NDUFAF6: variants seen among roughly 807,000 people sequenced by gnomAD.
The protein encoded by NDUFAF6 is NADH dehydrogenase (ubiquinone) complex I, assembly factor 6.
Under a neutral mutation model 40.8 loss-of-function variants are expected in NDUFAF6, and 45 were observed. The ratio of observed to expected loss-of-function variants is 1.10; its 90% CI spans 0.87 to 1.42. The LOEUF (loss-of-function observed/expected upper bound fraction) is 1.42. NDUFAF6 is among the 40% of genes most tolerant of loss of function. The pLI, the probability that NDUFAF6 is intolerant of heterozygous loss-of-function variation, is 0.00. For synonymous variants in NDUFAF6, 185 were observed against 155.9 expected, an observed-to-expected ratio of 1.19 and a Z score of -1.39; for missense variants, 435 against 418.5, an observed-to-expected ratio of 1.04 and a Z score of -0.34.
chr8:95,088,354 G>A (rs971285588), intron 2 of NDUFAF6, among the ~76,000 whole-genome samples: 1 of 152,206 alleles, frequency 6.6e-6, no homozygotes, highest in African/African-American at 2.4e-5. Flanking sequence ...ATTCCCTCTA[G>A]AAAAGGTAAC....
At chr8:95,074,421 T>C (rs778643468) in intron 9 of NDUFAF6, among the ~76,000 whole-genome samples, 3 of 113,706 alleles carry the variant, frequency 2.6e-5, no homozygotes, top group Non-Finnish European at 3.8e-5. Context: ...GGGAAGTGTT[T>C]GACCTGTGGC....
chr8:95,033,582 A>G (rs184146650), intron 2 of NDUFAF6, among the ~76,000 whole-genome samples: 22 of 152,344 alleles, frequency 1.4e-4, no homozygotes, highest in Non-Finnish European at 2.6e-4. Flanking sequence ...GTAATGTATC[A>G]GATGGAGACT....
chr8:95,077,217 G>A (rs540322863), downstream of NDUFAF6, among the ~76,000 whole-genome samples: 251 of 152,332 alleles, frequency 1.6e-3, 4 homozygotes, highest in Non-Finnish European at 1.4e-3. Flanking sequence ...CCTGTGGCAT[G>A]TTTTTATGGC....
At chr8:95,027,188 T>C (rs529410154) in intron 1 of NDUFAF6, among the ~76,000 whole-genome samples, 1 of 152,320 alleles carries the variant, frequency 6.6e-6, no homozygotes, top group South Asian at 2.1e-4. Flanking sequence ...GAATGGGGGC[T>C]CTTGACTCTA....
chr8:95,113,620 AG>A (rs1810057289), intron 4 of NDUFAF6, among the ~76,000 whole-genome samples: 1 of 152,214 alleles, frequency 6.6e-6, no homozygotes, highest in Admixed American at 6.5e-5. Context: ...GGTCATCTGC[AG>A]TGAAGGCTTA....
At chr8:95,114,004 T>G (rs1412097691) in intron 4 of NDUFAF6, among the ~76,000 whole-genome samples, 11 of 63,680 alleles carry the variant, frequency 1.7e-4, no homozygotes, top group African/African-American at 6.4e-4. Flanking sequence ...TGGGGACTGT[T>G]GTGGGATGGG....
At chr8:95,006,086 G>A (rs559098291) in intron 2 of NDUFAF6, among the ~76,000 whole-genome samples, 58 of 152,044 alleles carry the variant, frequency 3.8e-4, no homozygotes, top group African/African-American at 1.3e-3. Flanking sequence ...GGCCAGGCGC[G>A]GTGGCTCACG....
intron 9 of NDUFAF6, among the ~76,000 whole-genome samples, chr8:95,069,614 T>C (rs1245829886): frequency 6.6e-6 from 1 of 150,996 alleles, no homozygotes; most frequent in African/African-American, 2.5e-5. Flanking sequence ...ACCCCATCTC[T>C]ACTAAAAATA....
At chr8:95,056,861 A>G (rs1444044017) in intron 8 of NDUFAF6, among the ~76,000 whole-genome samples, 1 of 150,514 alleles carries the variant, frequency 6.6e-6, no homozygotes, top group Non-Finnish European at 1.5e-5. Context: ...AGCCGAGATC[A>G]TGCCACTGCA....
downstream of NDUFAF6, among the ~76,000 whole-genome samples, chr8:95,105,066 C>CACAGAGAGAGAG (rs1484172223): frequency 1.4e-5 from 1 of 72,770 alleles, no homozygotes; most frequent in African/African-American, 4.1e-5. Flanking sequence ...CACACACACA[C>CACAGAGAGAGAG]AGAGAGAGAG....
At chr8:94,898,124 TG>T (rs1435273576) in intron 1 of NDUFAF6, among the ~76,000 whole-genome samples, 2 of 152,204 alleles carry the variant, frequency 1.3e-5, no homozygotes, top group Non-Finnish European at 2.9e-5. Flanking sequence ...CCACCACACA[TG>T]CACAGTTTCC....
chr8:95,111,940 A>C (rs1197905426), intron 4 of NDUFAF6, among the ~76,000 whole-genome samples: 2 of 152,066 alleles, frequency 1.3e-5, no homozygotes, highest in Non-Finnish European at 2.9e-5. Flanking sequence ...CCCTGCTTCC[A>C]GTATGGTTCT....
rs1438635433 is a variant in NDUFAF6, at chr8:94,900,926, T to G, written c.-936+4999T>G. On this transcript the variant is annotated intron_variant, in intron 1 of 14. Coordinates refer to the NDUFAF6 transcript ENST00000396113. ...AGTAGGGCACAGTAAAGCAAACAATTCCTGCCCCTTAGATCTTAAATCTAG... is the reference window on the plus strand; with the variant it reads ...AGTAGGGCACAGTAAAGCAAACAATGCCTGCCCCTTAGATCTTAAATCTAG... Among the ~76,000 whole-genome samples the G allele has an allele frequency of 1.3e-5, 2 of 152,090 alleles. 1 individual carries two copies. Among genetic ancestry groups the G allele is most frequent in the Non-Finnish European group, 2.9e-5 (2 of 68,010 alleles).
At chr8:95,116,924 A>G (rs146034486), downstream of NDUFAF6, among the ~76,000 whole-genome samples, 1 of 152,282 alleles carries the variant, frequency 6.6e-6, no homozygotes, top group African/African-American at 2.4e-5. Context: ...CTTCCACTGT[A>G]TGAACTGCAT....
chr8:95,079,208 G>A (rs1188622292), downstream of NDUFAF6, among the ~76,000 whole-genome samples: 1 of 152,080 alleles, frequency 6.6e-6, no homozygotes, highest in African/African-American at 2.4e-5. Flanking sequence ...CCAACCTCAA[G>A]TGATCCGCCC....
chr8:95,068,052 G>A (rs1832746191), intron 9 of NDUFAF6: 2 of 151,916 alleles, frequency 1.3e-5, no homozygotes, highest in African/African-American at 2.4e-5. Context: ...GGCTGCCCCT[G>A]TCCTAGTCCT....
chr8:94,924,674 A>G (rs567404139), intron 1 of NDUFAF6, among the ~76,000 whole-genome samples: 1 of 152,296 alleles, frequency 6.6e-6, no homozygotes, highest in South Asian at 2.1e-4. Context: ...GACACTCTGT[A>G]AGTGGGCCTA....
At chr8:94,976,457 C>A (rs887332131) in intron 1 of NDUFAF6, among the ~76,000 whole-genome samples, 7 of 145,926 alleles carry the variant, frequency 4.8e-5, no homozygotes, top group Non-Finnish European at 9.0e-5. Context: ...GAGCCAAGAT[C>A]CCGCCACTGC....
chr8:95,057,831 A>T lies in NDUFAF6; in HGVS notation c.896A>T (p.Lys299Met). 1.2e-6 allele frequency: 2 copies of T among 1,612,738 alleles called. No individual in the cohort carries two copies. Among genetic ancestry groups the T allele is most frequent in the South Asian group, 1.1e-5 (1 of 91,030 alleles). ...CAGGTTTCTCTAGAGGACTTTCTAA[A>T]GAAAATTCAGCGAGTGGATTTTGAT... is the stretch of plus-strand genomic sequence containing the variant. ...LQTVSLEDFL[K>M]KIQRVDFDIF... Residue 299 changes from lysine (K) to methionine (M), a missense_variant, in exon 9 of 9, where the codon AAG becomes ATG. Transcript: ENST00000396124.
Sources: gnomAD v4.1 joint callset for allele counts (sites outside exome capture counted in the v4.1 genomes callset) on GRCh38, gnomAD v4.1.1 for gene constraint, MANE v1.5 for transcripts, NCBI Gene and HGNC (gene_info 2026-07-23, HGNC 2026-07-21) for gene names.